CWH43: variants seen among roughly 807,000 people sequenced by gnomAD.
The protein encoded by CWH43 is cell wall biogenesis 43 C-terminal homolog, also known as PGAP2-interacting protein.
In CWH43, 91 loss-of-function variants were observed where a neutral mutation model predicts 85.7. The ratio of observed to expected loss-of-function variants is 1.06; its 90% CI spans 0.90 to 1.26. CWH43 has a LOEUF of 1.26. Among genes scored for constraint, CWH43 ranks in the 50% most tolerant of loss-of-function variants. CWH43 has a pLI of 0.00. For synonymous variants in CWH43, 323 were observed against 293.6 expected (o/e 1.10, Z -1.02); for missense variants, 869 against 839.2 (o/e 1.04, Z -0.44).
chr4:49,016,635 C>T, intron 8 of CWH43: 1 of 750,534 alleles, frequency 1.3e-6, no homozygotes, highest in Non-Finnish European at 2.5e-6. Flanking sequence ...CAGATGACAC[C>T]ATCAGAAGCA....
intron 7 of CWH43, 35 bp from the exon 8 acceptor site, chr4:49,007,166 A>T: frequency 1.3e-6 from 2 of 1,560,166 alleles, no homozygotes; most frequent in Middle Eastern, 1.7e-4. Flanking sequence ...TTTTTGGATC[A>T]GACTATAACA....
rs140043046 is a variant in CWH43, at chr4:48,987,757, C to A, written c.44-720C>A. Among the ~76,000 whole-genome samples the A allele has an allele frequency of 9.9e-5, 15 of 152,284 alleles. No individual in the cohort carries two copies. The East Asian group carries it at 2.9e-3, about 29-fold the overall frequency. On this transcript the variant is annotated intron_variant, in intron 1 of 15. Transcript: ENST00000226432. Reference sequence around the variant, plus strand: ...CTGTTGGCAGAGGTACAACTTACTTCAGATCTGGGTATTCCACTACCCAGC... The same window carrying A: ...CTGTTGGCAGAGGTACAACTTACTTAAGATCTGGGTATTCCACTACCCAGC...
At chr4:49,017,527 T>C (rs1163837925) in intron 9 of CWH43, among the ~76,000 whole-genome samples, 199 bp downstream of exon 9, 1 of 152,220 alleles carries the variant, frequency 6.6e-6, no homozygotes, top group Non-Finnish European at 1.5e-5. Context: ...GATAGGCCCA[T>C]ACACTAGAGG....
intron 7 of CWH43, among the ~76,000 whole-genome samples, chr4:49,006,917 G>A (rs1783176027): frequency 6.6e-6 from 1 of 152,102 alleles, no homozygotes; most frequent in African/African-American, 2.4e-5. Flanking sequence ...TCATGAACAC[G>A]TTCAGCAACC....
intron 12 of CWH43, among the ~76,000 whole-genome samples, chr4:49,037,487 A>G (rs148324859): frequency 6.6e-6 from 1 of 152,040 alleles, no homozygotes; most frequent in African/African-American, 2.4e-5. Context: ...GGAGAATTGC[A>G]TGAATGCGGG....
At position 49,050,817 on chromosome 4, in the gene CWH43, A is replaced by G; in HGVS notation, c.1989A>G (p.Arg663=). Residue 663 remains arginine, a synonymous_variant, in exon 15 of 16, where the codon AGA becomes AGG. Coordinates refer to ENST00000226432, the MANE Select transcript of CWH43 (RefSeq NM_025087.3). The stretch of plus-strand genomic sequence containing the variant: ...ACCAGAAAGTGGTCATAGACCACAG[A>G]GAAGTTTCTGAGAAAATTCATTTTA... ...RDNQKVVIDH[R]EVSEKIHFNP... is the part of the protein sequence containing the mutation. The G allele has an allele frequency of 1.2e-6, 2 of 1,612,670 alleles. No homozygotes were observed. Among genetic ancestry groups the G allele is most frequent in the Non-Finnish European group, 1.7e-6 (2 of 1,179,302 alleles).
At position 49,007,285 on chromosome 4, in the gene CWH43, C is replaced by T; in HGVS notation, c.1145C>T (p.Ser382Phe). The change falls in exon 8 of 16, where the codon TCT becomes TTT. Residue 382 changes from serine to phenylalanine, a missense_variant. Physicochemically the swap from Ser to Phe is radical, Grantham distance 155 (BLOSUM62 -2). Around this residue, in one of 3 missense-constraint regions of CWH43, gnomAD observed 577 missense variants for 513.1 expected, o/e 1.12. Coordinates refer to ENST00000226432, the MANE Select transcript of CWH43 (RefSeq NM_025087.3). ...LDLLLQTKNS[S>F]KVLFRKSEKY... ...TTGCTTCTTCAAACAAAAAACAGTT[C>T]TAAAGTGCTTTTCAGAAAGAGTGAA... 1.2e-6 allele frequency: 2 copies of T among 1,609,342 alleles called. No individual in the cohort carries two copies. Among genetic ancestry groups the T allele is most frequent in the Non-Finnish European group, 1.7e-6 (2 of 1,177,958 alleles).
At chr4:49,045,278 A>G (rs769382032) in intron 14 of CWH43, among the ~76,000 whole-genome samples, 2 of 152,182 alleles carry the variant, frequency 1.3e-5, no homozygotes, top group Non-Finnish European at 2.9e-5. Context: ...GGCCATTACT[A>G]TACTGTAGTG....
chr4:49,039,082 TAAA>T (rs1384813368), intron 13 of CWH43, among the ~76,000 whole-genome samples: 4 of 31,530 alleles, frequency 1.3e-4, no homozygotes, highest in Admixed American at 9.6e-4. Flanking sequence ...ATAAATTAAA[TAAA>T]TAAATAAATA....
intron 6 of CWH43, 186 bp from the exon 7 acceptor site, chr4:49,003,549 T>G (rs1783058501): frequency 2.7e-5 from 16 of 588,354 alleles, no homozygotes; most frequent in Non-Finnish European, 4.2e-5. Flanking sequence ...TACCTCCAGT[T>G]GAGACAATAA....
intron 1 of CWH43, 117 bp downstream of exon 1, chr4:48,986,589 C>T: frequency 1.3e-6 from 2 of 1,515,282 alleles, no homozygotes; most frequent in African/African-American, 1.4e-5. Context: ...GCGCTCCGTG[C>T]CCAGAGTGGA....
At chr4:49,055,473 G>A (rs1476306341) in intron 15 of CWH43, among the ~76,000 whole-genome samples, 4 of 152,070 alleles carry the variant, frequency 2.6e-5, no homozygotes, top group African/African-American at 9.7e-5. Flanking sequence ...TTTTCTTGTA[G>A]CATCCTTGTC....
At chr4:49,005,575 T>C (rs1350348723) in intron 7 of CWH43, among the ~76,000 whole-genome samples, 1 of 151,568 alleles carries the variant, frequency 6.6e-6, no homozygotes, top group Non-Finnish European at 1.5e-5. Context: ...TTTTTTTTTT[T>C]TTGAGACAGG....
intron 13 of CWH43, 130 bp from the exon 14 acceptor site, chr4:49,044,656 A>C: frequency 1.6e-6 from 1 of 640,454 alleles, no homozygotes; most frequent in Non-Finnish European, 2.7e-6. Flanking sequence ...AAAAAAGATC[A>C]GTAGGAGCCA....
At chr4:49,004,503 C>A (rs1365292356) in intron 7 of CWH43, among the ~76,000 whole-genome samples, 1 of 152,174 alleles carries the variant, frequency 6.6e-6, no homozygotes, top group Non-Finnish European at 1.5e-5. Context: ...CCTTCTACCT[C>A]TGCCTCCCAA....
Position 48,994,609 on chromosome 4 carries a change from T to A in CWH43, c.512-10T>A. The stretch of plus-strand genomic sequence containing the variant: ...TAAACTTTTTCCATATATGTATTTT[T>A]AAATTCTAGATGGTGACTGCAGTAA... On this transcript the variant is annotated splice_polypyrimidine_tract_variant and intron_variant, in intron 4 of 15. Coordinates refer to ENST00000226432, the MANE Select transcript of CWH43 (RefSeq NM_025087.3). The A allele has an allele frequency of 6.2e-7, 1 of 1,604,050 alleles. No individual in the cohort carries two copies.
intron 13 of CWH43, among the ~76,000 whole-genome samples, chr4:49,042,791 GA>G (rs1204592259): frequency 6.6e-6 from 1 of 152,172 alleles, no homozygotes; most frequent in Non-Finnish European, 1.5e-5. Flanking sequence ...TTCAGAAGAG[GA>G]AAACCTGGAA....
intron 1 of CWH43, among the ~76,000 whole-genome samples, chr4:48,987,252 T>C (rs1782525077): frequency 6.6e-6 from 1 of 152,124 alleles, no homozygotes; most frequent in Admixed American, 6.5e-5. Context: ...AGCCTGTATC[T>C]ATAAGTTGGG....
chr4:49,056,626 T>C (rs1015035316), intron 15 of CWH43, among the ~76,000 whole-genome samples: 9 of 152,032 alleles, frequency 5.9e-5, no homozygotes, highest in African/African-American at 1.4e-4. Flanking sequence ...CTTAGTTTCA[T>C]ATTTTTTTTT....
Sources: gnomAD v4.1 joint callset for allele counts (sites outside exome capture counted in the v4.1 genomes callset) on GRCh38, gnomAD v4.1.1 for gene constraint, gnomAD v4.1.1 regional missense constraint, MANE v1.5 for transcripts, NCBI Gene and HGNC (gene_info 2026-07-23, HGNC 2026-07-21) for gene names.